Variants in SNTG2 observed in about 807,000 individuals in gnomAD.
SNTG2 encodes gamma-2-syntrophin.
In SNTG2, 74 loss-of-function variants were observed where a neutral mutation model predicts 70.9. That is an observed-to-expected ratio of 1.04 (90% CI 0.86 to 1.27). The LOEUF is 1.27. Among genes scored for constraint, SNTG2 ranks in the 50% most tolerant of loss-of-function variants. The pLI, the probability that SNTG2 is intolerant of heterozygous loss-of-function variation, is 0.00. For synonymous variants in SNTG2, 278 were observed against 273.8 expected, an observed-to-expected ratio of 1.02 and a Z score of -0.15; for missense variants, 717 against 690.7, an observed-to-expected ratio of 1.04 and a Z score of -0.43.
At chr2:1,017,352 A>C (rs955577496) in intron 1 of SNTG2, among the ~76,000 whole-genome samples, 2 of 152,258 alleles carry the variant, frequency 1.3e-5, no homozygotes, top group Non-Finnish European at 2.9e-5. Context: ...TCTTTTTAAA[A>C]TTATATACAC....
chr2:1,188,956 A>G (rs991518353), intron 8 of SNTG2, among the ~76,000 whole-genome samples: 1 of 152,182 alleles, frequency 6.6e-6, no homozygotes, highest in Non-Finnish European at 1.5e-5. Context: ...TGAAAGAAAT[A>G]TTGAAATGGA....
At chr2:1,057,572 T>A (rs139505266) in intron 1 of SNTG2, among the ~76,000 whole-genome samples, 3,055 of 152,262 alleles carry the variant, frequency 0.02, 68 homozygotes, top group Middle Eastern at 0.027. Flanking sequence ...CTGTCTACTT[T>A]ATATTTTGGC....
chr2:1,289,709 G>A (rs546412600), intron 14 of SNTG2, among the ~76,000 whole-genome samples: 5 of 152,276 alleles, frequency 3.3e-5, no homozygotes, highest in African/African-American at 1.2e-4. Flanking sequence ...GACATTCACA[G>A]TGGTGTTCAG....
intron 1 of SNTG2, among the ~76,000 whole-genome samples, chr2:1,074,263 C>T (rs4586665): frequency 0.56 from 85,791 of 151,984 alleles, 24,588 homozygotes; most frequent in East Asian, 0.68. Flanking sequence ...GGAACACTGC[C>T]AAGTAGCCCT....
intron 1 of SNTG2, among the ~76,000 whole-genome samples, chr2:954,054 T>C (rs2147938382): frequency 6.6e-6 from 1 of 152,284 alleles, no homozygotes; most frequent in Middle Eastern, 3.4e-3. Context: ...TACTAAGCAG[T>C]GTGATTTTCT....
chr2:1,153,862 G>A (rs1274951154), intron 6 of SNTG2, among the ~76,000 whole-genome samples: 3 of 152,208 alleles, frequency 2.0e-5, no homozygotes, highest in African/African-American at 4.8e-5. Context: ...CAATGCCCAC[G>A]AGAGCTGGCC....
intron 1 of SNTG2, among the ~76,000 whole-genome samples, chr2:1,062,437 C>A (rs1381164439): frequency 6.6e-6 from 1 of 151,744 alleles, no homozygotes; most frequent in Non-Finnish European, 1.5e-5. Context: ...TTGGGTATGA[C>A]AATGATAAAG....
At chr2:990,091 C>A (rs1053094553) in intron 1 of SNTG2, among the ~76,000 whole-genome samples, 7 of 152,224 alleles carry the variant, frequency 4.6e-5, no homozygotes, top group African/African-American at 1.7e-4. Context: ...TAACCTTTGA[C>A]CTTTCTTTTA....
chr2:1,288,794 A>G (rs1419213159), intron 14 of SNTG2, among the ~76,000 whole-genome samples: 3 of 152,096 alleles, frequency 2.0e-5, no homozygotes, highest in African/African-American at 7.2e-5. Flanking sequence ...TCATGCAGGC[A>G]TGTATTCACA....
At chr2:1,091,355 G>T (rs768615052) in intron 2 of SNTG2, among the ~76,000 whole-genome samples, 4 of 152,184 alleles carry the variant, frequency 2.6e-5, no homozygotes, top group Non-Finnish European at 5.9e-5. Flanking sequence ...ACAGGGGCTG[G>T]GGGAGGACAG....
chr2:1,188,054 G>C (rs1158066653), intron 8 of SNTG2, among the ~76,000 whole-genome samples: 1 of 152,228 alleles, frequency 6.6e-6, no homozygotes, highest in African/African-American at 2.4e-5. Context: ...ACAAGCGTTA[G>C]CTTTATAAAC....
At chr2:1,031,529 T>TATATATATATATATATATATA (rs372970926) in intron 1 of SNTG2, among the ~76,000 whole-genome samples, 3 of 42,644 alleles carry the variant, frequency 7.0e-5, no homozygotes, top group Admixed American at 3.1e-4. Flanking sequence ...TATATATATA[T>TATATATATATATATATATATA]TTTTTTTTTT....
At chr2:1,197,404 C>A (rs1249932475) in intron 8 of SNTG2, among the ~76,000 whole-genome samples, 1 of 149,720 alleles carries the variant, frequency 6.7e-6, no homozygotes, top group African/African-American at 2.5e-5. Flanking sequence ...ATAAAAGGAT[C>A]AATTCATCAA....
chr2:1,188,987 G>C (rs981934189), intron 8 of SNTG2, among the ~76,000 whole-genome samples: 2 of 151,968 alleles, frequency 1.3e-5, no homozygotes, highest in Non-Finnish European at 2.9e-5. Context: ...AGCACACTAT[G>C]ACAAGAAAAA....
At chr2:1,021,556 A>G (rs1452601842) in intron 1 of SNTG2, among the ~76,000 whole-genome samples, 1 of 152,018 alleles carries the variant, frequency 6.6e-6, no homozygotes. Flanking sequence ...ATTTTACTCA[A>G]ATTTGATATA....
chr2:1,088,737 G>A (rs1664834877), intron 2 of SNTG2, among the ~76,000 whole-genome samples: 1 of 152,208 alleles, frequency 6.6e-6, no homozygotes, highest in Non-Finnish European at 1.5e-5. Context: ...GGGCCTACCA[G>A]ATGTCTTGCT....
intron 9 of SNTG2, among the ~76,000 whole-genome samples, chr2:1,222,103 CTGT>C (rs1675186981): frequency 1.5e-5 from 1 of 67,850 alleles, no homozygotes; most frequent in African/African-American, 6.3e-5. Context: ...CTGTCTCTCT[CTGT>C]CTCTCTCTGT....
intron 1 of SNTG2, among the ~76,000 whole-genome samples, chr2:1,051,157 T>TCCCCCTTTCTTCCTCCCTCA: frequency 1.0e-5 from 1 of 100,048 alleles, no homozygotes; most frequent in Middle Eastern, 5.4e-3. Flanking sequence ...TCCCTCCCTC[T>TCCCCCTTTCTTCCTCCCTCA]CCCCCTTTCT....
intron 6 of SNTG2, among the ~76,000 whole-genome samples, chr2:1,155,435 C>A (rs1289405335): frequency 1.3e-5 from 2 of 151,922 alleles, no homozygotes; most frequent in Non-Finnish European, 2.9e-5. Flanking sequence ...TGTACACACA[C>A]CACATATGTA....
Sources: allele counts gnomAD v4.1 joint callset (sites outside exome capture counted in the v4.1 genomes callset), GRCh38; gene constraint gnomAD v4.1.1; transcripts MANE v1.5; gene names NCBI Gene and HGNC (gene_info 2026-07-23, HGNC 2026-07-21).